The following SHTN1 variants were observed in gnomAD, a reference collection of about 807,000 sequenced individuals.
SHTN1 encodes the protein shootin-1.
In SHTN1, 42 loss-of-function variants were observed where a neutral mutation model predicts 83.1. That is an observed-to-expected ratio of 0.51 (90% confidence interval 0.39 to 0.65). SHTN1 has a LOEUF of 0.65. Among genes scored for constraint, SHTN1 ranks in the 30% least tolerant of loss-of-function variants. The pLI, the probability that SHTN1 is intolerant of heterozygous loss-of-function variation, is 0.00. For missense variants in SHTN1, 622 were observed against 737.8 expected, an observed-to-expected ratio of 0.84 and a Z score of 1.82; for synonymous variants, 224 against 247.7, an observed-to-expected ratio of 0.90 and a Z score of 0.90.
At chr10:117,080,829 GCTCT>G (rs1156462162) in intron 1 of SHTN1, among the ~76,000 whole-genome samples, 2 of 138,320 alleles carry the variant, frequency 1.4e-5, no homozygotes, top group African/African-American at 5.4e-5. Context: ...TCATGATTTG[GCTCT>G]CTGTCTGTTG....
At chr10:116,904,005 G>A (rs758039687) in intron 15 of SHTN1, among the ~76,000 whole-genome samples, 7 of 152,176 alleles carry the variant, frequency 4.6e-5, no homozygotes, top group Non-Finnish European at 7.4e-5. Context: ...AAATGCCTAA[G>A]AAAAATCCTA....
At chr10:117,087,490 G>GA (rs1316572055) in intron 1 of SHTN1, among the ~76,000 whole-genome samples, 2 of 151,890 alleles carry the variant, frequency 1.3e-5, no homozygotes, top group Non-Finnish European at 2.9e-5. Flanking sequence ...TGACAGGGCA[G>GA]AAAAAAGAGT....
intron 1 of SHTN1, among the ~76,000 whole-genome samples, chr10:117,002,550 A>G (rs1851860040): frequency 6.6e-6 from 1 of 152,246 alleles, no homozygotes. Context: ...ACTATTTTCA[A>G]AAATAAACCA....
chr10:116,910,724 C>G lies in SHTN1; in HGVS notation c.1359+1066G>C, dbSNP rs113335437. Reference sequence around the variant, plus strand: ...ACAAAAGAGACTGTCATAGGGAGTTCTCCTTAATAGAACACTGAATAACAG... The same window carrying G: ...ACAAAAGAGACTGTCATAGGGAGTTGTCCTTAATAGAACACTGAATAACAG... On this transcript the variant is annotated intron_variant, in intron 14 of 16. Coordinates refer to ENST00000355371, the MANE Select transcript of SHTN1 (RefSeq NM_001127211.3). Among the ~76,000 whole-genome samples, 474 of 152,272 alleles carry G rather than the reference C, an allele frequency of 3.1e-3. 1 individual carries two copies. The highest frequency in any genetic ancestry group is 3.8e-3 in the Non-Finnish European group (257 of 68,014).
At chr10:116,997,189 C>T (rs1851655470) in intron 1 of SHTN1, among the ~76,000 whole-genome samples, 1 of 152,202 alleles carries the variant, frequency 6.6e-6, no homozygotes, top group Non-Finnish European at 1.5e-5. Context: ...GACTTTACCC[C>T]AGGAGTTTCC....
At chr10:117,113,205 C>A (rs932867732) in intron 1 of SHTN1, among the ~76,000 whole-genome samples, 1 of 152,200 alleles carries the variant, frequency 6.6e-6, no homozygotes, top group African/African-American at 2.4e-5. Flanking sequence ...ATTCCTAATT[C>A]TCTTTGAGCA....
chr10:117,066,471 G>C (rs1246000560), intron 1 of SHTN1, among the ~76,000 whole-genome samples: 1 of 152,160 alleles, frequency 6.6e-6, no homozygotes, highest in African/African-American at 2.4e-5. Context: ...GTTAGACTGT[G>C]AGATCAGAAA....
chr10:117,046,577 T>C (rs1406747276), intron 2 of SHTN1, among the ~76,000 whole-genome samples: 1 of 152,190 alleles, frequency 6.6e-6, no homozygotes, highest in Non-Finnish European at 1.5e-5. Context: ...TGAATATTCA[T>C]AGTAGTATTG....
chr10:116,957,314 C>T (rs1424721459), intron 4 of SHTN1, among the ~76,000 whole-genome samples: 4 of 144,652 alleles, frequency 2.8e-5, no homozygotes, highest in African/African-American at 1.0e-4. Flanking sequence ...AGTAGAGCTG[C>T]GTGATTTCAG....
Position 116,948,907 on chromosome 10 carries a change from C to G in SHTN1, c.616+9G>C. The G allele has an allele frequency of 6.5e-7, 1 of 1,537,274 alleles. No individual in the cohort carries two copies. Among genetic ancestry groups the G allele is most frequent in the Non-Finnish European group, 8.7e-7 (1 of 1,143,814 alleles). On this transcript the variant is annotated intron_variant, in intron 7 of 16. Coordinates refer to ENST00000355371, the MANE Select transcript of SHTN1 (RefSeq NM_001127211.3). ...ACGTATTTGAGAAAAAAAGACTGGA[C>G]AGACTTACCTCTATTGCATTTTTCT...
At chr10:117,117,464 C>G (rs1487317442) in intron 1 of SHTN1, among the ~76,000 whole-genome samples, 1 of 152,120 alleles carries the variant, frequency 6.6e-6, no homozygotes, top group African/African-American at 2.4e-5. Flanking sequence ...GACAATACTA[C>G]CCAAAGCAAT....
At chr10:117,102,520 T>C (rs1853610042) in intron 1 of SHTN1, among the ~76,000 whole-genome samples, 1 of 152,132 alleles carries the variant, frequency 6.6e-6, no homozygotes, top group African/African-American at 2.4e-5. Flanking sequence ...TCCTGGGATC[T>C]GAAAATTAGC....
chr10:116,962,776 T>C (rs1474249106), intron 3 of SHTN1, among the ~76,000 whole-genome samples: 1 of 152,184 alleles, frequency 6.6e-6, no homozygotes, highest in East Asian at 1.9e-4. Context: ...GGTTTTTATT[T>C]CTTCTCAAAG....
In SHTN1 at chr10:117,050,306, TACAGAAGATTTC is replaced by T. The variant is rs759853221; in HGVS notation, c.-188-1808_-188-1797del. Among the ~76,000 whole-genome samples the T allele has an allele frequency of 8.8e-4, 134 of 152,202 alleles. 1 individual carries two copies. The highest frequency in any genetic ancestry group is 6.3e-4 in the Non-Finnish European group (43 of 68,004). ...TATAAATCATCAGTATCAGGAATAA[TACAGAAGATTTC>T]ACTACAGCCATTAAAATTATAACAG... On this transcript the variant is annotated intron_variant, in intron 1 of 17. Coordinates refer to the SHTN1 transcript ENST00000392901.
At chr10:117,120,692 C>A (rs1462532391) in intron 1 of SHTN1, among the ~76,000 whole-genome samples, 1 of 152,040 alleles carries the variant, frequency 6.6e-6, no homozygotes, top group East Asian at 1.9e-4. Flanking sequence ...GAAACAGAAC[C>A]TAGTGTTAGA....
chr10:117,061,135 C>CTTTTTTTTT (rs5788206), intron 1 of SHTN1, among the ~76,000 whole-genome samples: 6 of 127,264 alleles, frequency 4.7e-5, no homozygotes, highest in Non-Finnish European at 6.9e-5. Context: ...AAGCTTTAGT[C>CTTTTTTTTT]TTTTTTTTTT....
chr10:116,892,595 A>G (rs1330213513), intron 16 of SHTN1, among the ~76,000 whole-genome samples: 2 of 152,176 alleles, frequency 1.3e-5, no homozygotes, highest in Admixed American at 6.5e-5. Context: ...TTTTCATTCT[A>G]TGTTTTCAGG....
chr10:116,889,712 C>T (rs1024485859), intron 16 of SHTN1, among the ~76,000 whole-genome samples: 9 of 152,216 alleles, frequency 5.9e-5, no homozygotes, highest in Non-Finnish European at 1.3e-4. Flanking sequence ...TCAAAGGCAT[C>T]TTCTCCTAGA....
intron 2 of SHTN1, among the ~76,000 whole-genome samples, chr10:117,036,760 T>A (rs982471545): frequency 2.0e-5 from 3 of 152,192 alleles, no homozygotes; most frequent in African/African-American, 7.2e-5. Flanking sequence ...ATTGTACTTT[T>A]AAAAATAACT....
Sources: gnomAD v4.1 joint callset for allele counts (sites outside exome capture counted in the v4.1 genomes callset) on GRCh38, gnomAD v4.1.1 for gene constraint, MANE v1.5 for transcripts, NCBI Gene and HGNC (gene_info 2026-07-23, HGNC 2026-07-21) for gene names.